GRHL2: variants seen among roughly 807,000 people sequenced by gnomAD.
The protein encoded by GRHL2 is grainyhead-like protein 2 homolog.
Under a neutral mutation model 83.8 loss-of-function variants are expected in GRHL2, and 21 were observed. The observed-to-expected ratio is 0.25, with a 90% CI of 0.18 to 0.36. The LOEUF is 0.36. Among genes scored for constraint, GRHL2 ranks in the 10% least tolerant of loss-of-function variants. The pLI is 1.00. For missense variants in GRHL2, 623 were observed against 781.8 expected, an observed-to-expected ratio of 0.80 and a Z score of 2.42; for synonymous variants, 280 against 278.9, an observed-to-expected ratio of 1.00 and a Z score of -0.04.
At chr8:101,559,310 C>T (rs1315024407) in intron 4 of GRHL2, among the ~76,000 whole-genome samples, 1 of 136,232 alleles carries the variant, frequency 7.3e-6, no homozygotes, top group African/African-American at 2.8e-5. Flanking sequence ...GAGTTCAAGA[C>T]CAGCCTGGCC....
At chr8:101,546,499 T>C (rs985726751) in intron 2 of GRHL2, among the ~76,000 whole-genome samples, 16 of 151,888 alleles carry the variant, frequency 1.1e-4, no homozygotes, top group African/African-American at 3.9e-4. Context: ...AACCTCTGTC[T>C]CCCGAGTTCA....
chr8:101,679,948 C>T, the GRHL2 span, among the ~76,000 whole-genome samples: 2 of 121,822 alleles, frequency 1.6e-5, no homozygotes, highest in East Asian at 2.4e-4. Context: ...AAAGGAACAA[C>T]CGGTACCAGC....
At chr8:101,512,273 T>A (rs186149030) in intron 1 of GRHL2, among the ~76,000 whole-genome samples, 1 of 152,174 alleles carries the variant, frequency 6.6e-6, no homozygotes, top group South Asian at 2.1e-4. Flanking sequence ...AGAGTTGATA[T>A]CTTATTCACA....
intron 9 of GRHL2, among the ~76,000 whole-genome samples, chr8:101,620,569 A>G (rs1430359147): frequency 1.3e-5 from 2 of 152,208 alleles, no homozygotes; most frequent in African/African-American, 4.8e-5. Context: ...GAAAAATGTG[A>G]ACAGCAAAAC....
intron 13 of GRHL2, among the ~76,000 whole-genome samples, chr8:101,648,126 AG>A (rs1402429644): frequency 6.6e-6 from 1 of 152,134 alleles, no homozygotes; most frequent in East Asian, 1.9e-4. Context: ...AGTGGGGATG[AG>A]GGTGGCCTCT....
At chr8:101,644,484 G>T (rs2129670745) in intron 13 of GRHL2, among the ~76,000 whole-genome samples, 1 of 152,344 alleles carries the variant, frequency 6.6e-6, no homozygotes, top group African/African-American at 2.4e-5. Flanking sequence ...TCATCCAGCA[G>T]CAAGGTACAA....
intron 7 of GRHL2, among the ~76,000 whole-genome samples, chr8:101,580,082 G>A (rs546275265): frequency 1.3e-5 from 2 of 152,172 alleles, no homozygotes; most frequent in African/African-American, 2.4e-5. Flanking sequence ...TGATCTGCAG[G>A]TTCAACCAAG....
At chr8:101,620,501 C>T (rs928086124) in intron 9 of GRHL2, among the ~76,000 whole-genome samples, 2 of 152,330 alleles carry the variant, frequency 1.3e-5, no homozygotes, top group Admixed American at 6.5e-5. Context: ...TTCATTAGTA[C>T]ATATGCACTT....
chr8:101,672,636 T>C (rs1408248867), downstream of GRHL2, among the ~76,000 whole-genome samples: 1 of 150,554 alleles, frequency 6.6e-6, no homozygotes, highest in Non-Finnish European at 1.5e-5. Flanking sequence ...CTCTGCAGGA[T>C]ATTATCCAGA....
chr8:101,665,531 C>G (rs552615165), intron 15 of GRHL2, among the ~76,000 whole-genome samples: 2 of 152,176 alleles, frequency 1.3e-5, no homozygotes, highest in Admixed American at 6.6e-5. Flanking sequence ...ATACTTCTTG[C>G]CGAGGTCAAT....
At chr8:101,542,015 C>T (rs1036434013) in intron 1 of GRHL2, among the ~76,000 whole-genome samples, 6 of 152,314 alleles carry the variant, frequency 3.9e-5, no homozygotes, top group Middle Eastern at 3.4e-3. Context: ...TAGAGTCCGT[C>T]TCATTACTGC....
the GRHL2 span, among the ~76,000 whole-genome samples, chr8:101,678,863 T>C: frequency 1.4e-5 from 2 of 146,258 alleles, no homozygotes; most frequent in Non-Finnish European, 3.0e-5. Context: ...CAGCTGAGGG[T>C]CCTGTCTGTT....
chr8:101,526,720 G>A (rs1810813694), intron 1 of GRHL2, among the ~76,000 whole-genome samples: 3 of 152,018 alleles, frequency 2.0e-5, no homozygotes. Context: ...CTTAAAAAAA[G>A]CAGCTAGTTT....
At chr8:101,556,111 C>G (rs1811484083) in intron 3 of GRHL2, among the ~76,000 whole-genome samples, 1 of 152,204 alleles carries the variant, frequency 6.6e-6, no homozygotes. Flanking sequence ...GCATGTGCCA[C>G]CACGCCTGGC....
chr8:101,641,535 A>G (rs1330788866), intron 12 of GRHL2, among the ~76,000 whole-genome samples: 8 of 152,180 alleles, frequency 5.3e-5, no homozygotes, highest in East Asian at 1.9e-4. Flanking sequence ...CCAGAGATCC[A>G]TGGTTCAGAC....
rs74343355 is a variant in GRHL2, at chr8:101,581,655, G to A, written c.1003+4136G>A. ...GGAAAAGCACAGTTATTCCACATTC[G>A]TTCTGCAAAAGTTTACTGAACACCT... On this transcript the variant is annotated intron_variant, in intron 7 of 15. Transcript: ENST00000646743. Among the ~76,000 whole-genome samples the A allele has an allele frequency of 3.9e-3, 594 of 152,206 alleles. 2 individuals carry two copies. The highest frequency in any genetic ancestry group is 0.013 in the African/African-American group (559 of 41,524).
chr8:101,655,404 G>A (rs1813764759), intron 14 of GRHL2, among the ~76,000 whole-genome samples: 1 of 152,144 alleles, frequency 6.6e-6, no homozygotes, highest in African/African-American at 2.4e-5. Context: ...AGTTTTGTTT[G>A]TACTACCCTT....
At chr8:101,541,470 G>A (rs1246877695) in intron 1 of GRHL2, among the ~76,000 whole-genome samples, 2 of 151,742 alleles carry the variant, frequency 1.3e-5, no homozygotes, top group Non-Finnish European at 2.9e-5. Context: ...TCCCACATCT[G>A]CACCAACATA....
intron 1 of GRHL2, among the ~76,000 whole-genome samples, chr8:101,531,222 C>CAA (rs34027383): frequency 0.023 from 3,074 of 131,814 alleles, 43 homozygotes; most frequent in South Asian, 0.03. Context: ...GACCTTATCT[C>CAA]AAAAAAAAAA....
Sources: gnomAD v4.1 joint callset for allele counts (sites outside exome capture counted in the v4.1 genomes callset) on GRCh38, gnomAD v4.1.1 for gene constraint, MANE v1.5 for transcripts, NCBI Gene and HGNC (gene_info 2026-07-23, HGNC 2026-07-21) for gene names.